The following PDGFC variants were observed in gnomAD, a reference collection of about 807,000 sequenced individuals.
PDGFC encodes platelet-derived growth factor C.
A neutral mutation model predicts 35.5 loss-of-function variants in PDGFC; 12 were observed. The ratio of observed to expected loss-of-function variants is 0.34; its 90% CI spans 0.22 to 0.55. The LOEUF (loss-of-function observed/expected upper bound fraction) is 0.55, where lower values mean the gene tolerates loss of function less well. Ranked by LOEUF, PDGFC falls within the 20% of genes least tolerant of loss-of-function variation. The probability of loss-of-function intolerance (pLI) is 0.91; values close to 1 mark genes in which losing one functional copy is unlikely to be tolerated. For missense variants in PDGFC, 322 were observed against 412.4 expected (o/e 0.78, Z 1.90); for synonymous variants, 159 against 148.8 (o/e 1.07, Z -0.50).
At chr4:156,919,886 T>C (rs1479774182) in intron 1 of PDGFC, among the ~76,000 whole-genome samples, 1 of 152,168 alleles carries the variant, frequency 6.6e-6, no homozygotes, top group Non-Finnish European at 1.5e-5. Context: ...ATCCCTAATT[T>C]TGGAAGTGTG....
chr4:156,827,860 A>T (rs564288140), intron 2 of PDGFC, among the ~76,000 whole-genome samples: 2 of 152,332 alleles, frequency 1.3e-5, no homozygotes, highest in Admixed American at 1.3e-4. Flanking sequence ...CCAACTATAA[A>T]CACCAGTATA....
At chr4:156,832,536 T>C (rs1728969824) in intron 2 of PDGFC, among the ~76,000 whole-genome samples, 1 of 152,166 alleles carries the variant, frequency 6.6e-6, no homozygotes, top group Non-Finnish European at 1.5e-5. Flanking sequence ...ATTATAGGTG[T>C]CAGCCACCAT....
chr4:156,877,766 G>T (rs1730149108), intron 1 of PDGFC, among the ~76,000 whole-genome samples: 1 of 152,060 alleles, frequency 6.6e-6, no homozygotes, highest in Non-Finnish European at 1.5e-5. Context: ...TTCCTCTTCT[G>T]AGTTCATCCC....
chr4:156,911,903 G>C (rs980860729), intron 1 of PDGFC, among the ~76,000 whole-genome samples: 1 of 152,132 alleles, frequency 6.6e-6, no homozygotes, highest in East Asian at 1.9e-4. Context: ...ACATATGATA[G>C]TATGATGACT....
rs933855711 is a variant in PDGFC at position 156,762,351 on chromosome 4, T to C, written c.*739A>G. ...AGATTAGAAAAGCCAACAGTTATAA[T>C]GTCAAAAGGAGAATATAAAAATGTA... is the stretch of plus-strand genomic sequence containing the variant. On this transcript the variant is annotated 3_prime_UTR_variant, in exon 6 of 6. Coordinates refer to ENST00000502773, the MANE Select transcript of PDGFC (RefSeq NM_016205.3). 1 of 152,580 alleles carries C rather than the reference T, an allele frequency of 6.6e-6. No individual in the cohort carries two copies. Among genetic ancestry groups the C allele is most frequent in the South Asian group, 2.1e-4 (1 of 4,836 alleles). The allele number at this position is 152,580 out of a possible 1,614,324, so 9.5% of individuals were successfully genotyped here.
At chr4:156,959,757 G>A (rs1732296175) in intron 1 of PDGFC, among the ~76,000 whole-genome samples, 1 of 151,862 alleles carries the variant, frequency 6.6e-6, no homozygotes, top group Admixed American at 6.6e-5. Flanking sequence ...ACGGTAGGTT[G>A]GCCACTTAGA....
chr4:156,763,149 C>A lies in PDGFC; in HGVS notation c.979G>T (p.Val327Leu), dbSNP rs538854061. 1 of 1,613,230 alleles carries A rather than the reference C, an allele frequency of 6.2e-7. No individual in the cohort carries two copies. Among genetic ancestry groups the A allele is most frequent in the East Asian group, 2.2e-5 (1 of 44,864 alleles). The change falls in exon 6 of 6, where the codon GTG becomes TTG. Residue 327 changes from valine to leucine, a missense_variant. By Grantham distance (32) the Val-to-Leu change is conservative (BLOSUM62 1). Around this residue, in one of 2 missense-constraint regions of PDGFC, gnomAD observed 202 missense variants for 295.9 expected, o/e 0.68. Coordinates refer to ENST00000502773, the MANE Select transcript of PDGFC (RefSeq NM_016205.3). ...CACTCCTCATGGTGCTCCAGGGCCA[C>A]GTCGGTGAGTGATTTGTGCAATCCC... is the stretch of plus-strand genomic sequence containing the variant. ...VRGLHKSLTD[V>L]ALEHHEECDC...
Position 156,970,960 on chromosome 4 carries a change from C to G in PDGFC, c.-57G>C, listed in dbSNP as rs1265733280. The G allele has an allele frequency of 1.4e-5, 16 of 1,129,378 alleles. No individual in the cohort carries two copies. The highest frequency in any genetic ancestry group is 2.0e-5 in the Non-Finnish European group (15 of 748,512). The allele number at this position is 1,129,378 out of a possible 1,614,324, so 70.0% of individuals were successfully genotyped here. A position where few individuals can be genotyped will look rare whatever the true frequency, so the allele number is the denominator to read the frequency against. ...CGGGCACTTTGGAAGCAGCGACTCC[C>G]GAGTCTCTTTCACCACCGCCAGGGG... On this transcript the variant is annotated 5_prime_UTR_variant, in exon 1 of 6. Coordinates refer to ENST00000502773, the MANE Select transcript of PDGFC (RefSeq NM_016205.3).
In PDGFC at chr4:156,883,188, T is replaced by C. The variant is rs1014878119; in HGVS notation, c.119-32772A>G. Among the ~76,000 whole-genome samples the C allele has an allele frequency of 8.5e-5, 13 of 152,196 alleles. 1 individual carries two copies. The South Asian group carries it at 2.3e-3, about 27-fold the overall frequency. On this transcript the variant is annotated intron_variant, in intron 1 of 5. Transcript: ENST00000502773. Reference sequence around the variant, plus strand: ...AAGCACTTTTCTGATTCTGTCTTTATATTAGTCTAAACTGAGTGCTTTTCT... The same window carrying C: ...AAGCACTTTTCTGATTCTGTCTTTACATTAGTCTAAACTGAGTGCTTTTCT...
At chr4:156,845,544 C>T (rs904857788) in intron 2 of PDGFC, among the ~76,000 whole-genome samples, 11 of 151,628 alleles carry the variant, frequency 7.3e-5, no homozygotes, top group Admixed American at 5.3e-4. Context: ...TATTTTACAA[C>T]TCAGTAAGGT....
chr4:156,916,624 C>A (rs984379847), intron 1 of PDGFC, among the ~76,000 whole-genome samples: 1 of 152,196 alleles, frequency 6.6e-6, no homozygotes, highest in African/African-American at 2.4e-5. Flanking sequence ...GCTGTTGTCT[C>A]GCTGTCTGAA....
intron 1 of PDGFC, among the ~76,000 whole-genome samples, chr4:156,857,243 C>T (rs1176837756): frequency 6.6e-6 from 1 of 152,032 alleles, no homozygotes; most frequent in Admixed American, 6.6e-5. Flanking sequence ...TTTACCCACA[C>T]ATACTAGGTT....
At chr4:156,875,699 C>T (rs1185256721) in intron 1 of PDGFC, among the ~76,000 whole-genome samples, 1 of 152,130 alleles carries the variant, frequency 6.6e-6, no homozygotes, top group East Asian at 1.9e-4. Flanking sequence ...GGGCAGATCA[C>T]TTGAGGTCAG....
intron 1 of PDGFC, among the ~76,000 whole-genome samples, chr4:156,949,672 T>A (rs2110933549): frequency 6.6e-6 from 1 of 152,010 alleles, no homozygotes; most frequent in Non-Finnish European, 1.5e-5. Flanking sequence ...CCAAGAAATT[T>A]TCTACACTGT....
chr4:156,867,058 G>T (rs999009608), intron 1 of PDGFC, among the ~76,000 whole-genome samples: 1 of 152,044 alleles, frequency 6.6e-6, no homozygotes, highest in Non-Finnish European at 1.5e-5. Context: ...AATGGAGTAC[G>T]TTATAAAAAA....
At chr4:156,912,326 A>T (rs1309304655) in intron 1 of PDGFC, among the ~76,000 whole-genome samples, 1 of 152,170 alleles carries the variant, frequency 6.6e-6, no homozygotes, top group Non-Finnish European at 1.5e-5. Flanking sequence ...TTTTTCAACA[A>T]ACACTGCATC....
chr4:156,943,124 A>C (rs970889056), intron 1 of PDGFC, among the ~76,000 whole-genome samples: 1 of 152,080 alleles, frequency 6.6e-6, no homozygotes, highest in African/African-American at 2.4e-5. Context: ...ATTTAAGGGT[A>C]ACCCCTACCA....
chr4:156,927,260 C>T (rs569284882), intron 1 of PDGFC, among the ~76,000 whole-genome samples: 1 of 152,258 alleles, frequency 6.6e-6, no homozygotes, highest in East Asian at 1.9e-4. Context: ...GGAGGGGCTG[C>T]CATGAAGACC....
At chr4:156,833,403 G>T (rs372675538) in intron 2 of PDGFC, among the ~76,000 whole-genome samples, 3 of 152,168 alleles carry the variant, frequency 2.0e-5, no homozygotes, top group South Asian at 2.1e-4. Context: ...ATGAAACAGA[G>T]AGAATAAACT....
Sources: allele counts gnomAD v4.1 joint callset (sites outside exome capture counted in the v4.1 genomes callset), GRCh38; gene constraint gnomAD v4.1.1; regional missense constraint gnomAD v4.1.1; transcripts MANE v1.5; gene names NCBI Gene and HGNC (gene_info 2026-07-23, HGNC 2026-07-21).